Variants in GALNTL6 observed in about 807,000 individuals in gnomAD.
GALNTL6 encodes polypeptide N-acetylgalactosaminyltransferase-like 6.
GALNTL6 carries 46 observed loss-of-function variants against 73.7 expected under a neutral mutation model. That is an observed-to-expected ratio of 0.62 (90% CI 0.49 to 0.80). The LOEUF is 0.80. Ranked by LOEUF, GALNTL6 falls within the 30% of genes least tolerant of loss-of-function variation. The pLI is 0.00. For synonymous variants in GALNTL6, 259 were observed against 263.7 expected, an observed-to-expected ratio of 0.98 and a Z score of 0.17; for missense variants, 604 against 755.0, an observed-to-expected ratio of 0.80 and a Z score of 2.34.
Position 172,099,358 on chromosome 4 carries a change from T to C in GALNTL6, c.139-130298T>C, listed in dbSNP as rs115797065. On this transcript the variant is annotated intron_variant, in intron 2 of 12. Coordinates refer to ENST00000506823, the MANE Select transcript of GALNTL6 (RefSeq NM_001034845.3). The stretch of plus-strand genomic sequence containing the variant: ...AAAAGTAAAATAAAAATACAGACTT[T>C]ATTTCTCAACATAAGCTCCATCAAA... 6.8e-3 allele frequency among the ~76,000 whole-genome samples: 1,040 copies of C among 152,296 alleles called. 16 individuals are homozygous for C. The highest frequency in any genetic ancestry group is 0.023 in the African/African-American group (957 of 41,560).
intron 8 of GALNTL6, among the ~76,000 whole-genome samples, chr4:172,883,466 G>A (rs1431669025): frequency 6.6e-6 from 1 of 152,196 alleles, no homozygotes; most frequent in Non-Finnish European, 1.5e-5. Context: ...CAGGGAGCCA[G>A]CATGTCACAT....
intron 5 of GALNTL6, among the ~76,000 whole-genome samples, chr4:172,396,744 A>G (rs1743863541): frequency 6.6e-6 from 1 of 152,200 alleles, no homozygotes; most frequent in African/African-American, 2.4e-5. Flanking sequence ...AATAGAAACT[A>G]TTCAGATAAT....
chr4:172,764,482 TA>T (rs1487645070), intron 5 of GALNTL6, among the ~76,000 whole-genome samples: 1 of 151,822 alleles, frequency 6.6e-6, no homozygotes, highest in Non-Finnish European at 1.5e-5. Flanking sequence ...ATTTTTATAA[TA>T]AAAACATACT....
intron 5 of GALNTL6, among the ~76,000 whole-genome samples, chr4:172,460,003 G>C (rs1432752565): frequency 1.3e-5 from 2 of 152,152 alleles, no homozygotes; most frequent in Non-Finnish European, 2.9e-5. Context: ...CATGGCACTG[G>C]TACCAAAACA....
intron 3 of GALNTL6, among the ~76,000 whole-genome samples, chr4:172,276,704 T>C (rs1302492796): frequency 6.6e-6 from 1 of 152,168 alleles, no homozygotes; most frequent in African/African-American, 2.4e-5. Flanking sequence ...TTGCCTGTGT[T>C]ACACTATATG....
intron 5 of GALNTL6, among the ~76,000 whole-genome samples, chr4:172,659,018 C>G (rs1731231518): frequency 1.3e-5 from 2 of 152,216 alleles, no homozygotes; most frequent in South Asian, 4.2e-4. Flanking sequence ...CTACTTTGTG[C>G]CAGATCTTAT....
At chr4:172,280,693 A>G (rs916916433) in intron 3 of GALNTL6, among the ~76,000 whole-genome samples, 1 of 152,144 alleles carries the variant, frequency 6.6e-6, no homozygotes, top group African/African-American at 2.4e-5. Context: ...GTAACAATTA[A>G]TATAAGGACT....
rs555602918 is a variant in GALNTL6, at chr4:172,838,150, G to C, written c.923+24427G>C. The stretch of plus-strand genomic sequence containing the variant: ...GGGAAGTGGGGGCAGTTGAGAGATG[G>C]GGGGGCACAGATCTGAGTTCTGCCT... On this transcript the variant is annotated intron_variant, in intron 7 of 12. Transcript: ENST00000506823. Among the ~76,000 whole-genome samples, 185 of 152,016 alleles carry C rather than the reference G, an allele frequency of 1.2e-3. 1 individual carries two copies. The South Asian group carries it at 0.018, about 15-fold the overall frequency.
intron 5 of GALNTL6, among the ~76,000 whole-genome samples, chr4:172,616,488 T>G (rs1738735933): frequency 6.6e-6 from 1 of 151,692 alleles, no homozygotes; most frequent in African/African-American, 2.4e-5. Flanking sequence ...CAAATTATAT[T>G]CAACTCCACT....
chr4:171,870,570 A>G (rs558340565), intron 2 of GALNTL6, among the ~76,000 whole-genome samples: 1 of 151,992 alleles, frequency 6.6e-6, no homozygotes, highest in South Asian at 2.1e-4. Context: ...GGTCATTGGT[A>G]TAGGTTGAAT....
intron 5 of GALNTL6, among the ~76,000 whole-genome samples, chr4:172,618,100 T>C (rs903906094): frequency 1.3e-5 from 2 of 152,214 alleles, no homozygotes; most frequent in Non-Finnish European, 2.9e-5. Flanking sequence ...ATGTATTCTC[T>C]CAGTGAGTTA....
chr4:172,577,771 G>A (rs1737014017), intron 5 of GALNTL6, among the ~76,000 whole-genome samples: 1 of 152,132 alleles, frequency 6.6e-6, no homozygotes, highest in Non-Finnish European at 1.5e-5. Flanking sequence ...CAGCAACTTT[G>A]TTGTCATTCA....
At chr4:172,533,014 ATTT>A (rs34090962) in intron 5 of GALNTL6, among the ~76,000 whole-genome samples, 4 of 143,528 alleles carry the variant, frequency 2.8e-5, no homozygotes, top group African/African-American at 7.7e-5. Context: ...TTTTTGTAGA[ATTT>A]TTTTTTTTTT....
intron 10 of GALNTL6, among the ~76,000 whole-genome samples, chr4:173,003,885 T>G (rs1752159040): frequency 6.6e-6 from 1 of 152,200 alleles, no homozygotes; most frequent in African/African-American, 2.4e-5. Flanking sequence ...AGGTCTCACT[T>G]AGCATTTAGT....
intron 5 of GALNTL6, among the ~76,000 whole-genome samples, chr4:172,740,744 A>C (rs1357999175): frequency 6.6e-6 from 1 of 152,008 alleles, no homozygotes; most frequent in East Asian, 1.9e-4. Flanking sequence ...CACTGTTTAA[A>C]ATTACCCACA....
chr4:172,615,018 A>G (rs1560837054), intron 5 of GALNTL6, among the ~76,000 whole-genome samples: 2 of 152,142 alleles, frequency 1.3e-5, no homozygotes, highest in Non-Finnish European at 1.5e-5. Context: ...CAATGAAACC[A>G]TGTGTTCTAC....
chr4:172,578,361 G>GT (rs1263648576), intron 5 of GALNTL6, among the ~76,000 whole-genome samples: 9 of 152,200 alleles, frequency 5.9e-5, no homozygotes, highest in Non-Finnish European at 8.8e-5. Flanking sequence ...GAGAGCACAC[G>GT]TTCTTCAGCT....
At chr4:171,942,142 G>A (rs1006774924) in intron 2 of GALNTL6, among the ~76,000 whole-genome samples, 5 of 151,872 alleles carry the variant, frequency 3.3e-5, no homozygotes, top group Non-Finnish European at 4.4e-5. Flanking sequence ...TGGAATCCCA[G>A]CACTTTGGGA....
chr4:172,071,781 A>T (rs1179480748), intron 2 of GALNTL6, among the ~76,000 whole-genome samples: 2 of 152,058 alleles, frequency 1.3e-5, no homozygotes, highest in African/African-American at 2.4e-5. Context: ...GGAAAGCTTT[A>T]TTATGGAAAA....
Sources: allele counts gnomAD v4.1 joint callset (sites outside exome capture counted in the v4.1 genomes callset), GRCh38; gene constraint gnomAD v4.1.1; transcripts MANE v1.5; gene names NCBI Gene and HGNC (gene_info 2026-07-23, HGNC 2026-07-21).